EPB41L2: variants seen among roughly 807,000 people sequenced by gnomAD.
EPB41L2 encodes the protein band 4.1-like protein 2.
Under a neutral mutation model 113.0 loss-of-function variants are expected in EPB41L2, and 43 were observed. The ratio of observed to expected loss-of-function variants is 0.38; its 90% CI spans 0.30 to 0.49. EPB41L2 has a LOEUF of 0.49. Among genes scored for constraint, EPB41L2 ranks in the 20% least tolerant of loss-of-function variants. The pLI is 0.95. For missense variants in EPB41L2, 1,147 were observed against 1,223.4 expected, an observed-to-expected ratio of 0.94 and a Z score of 0.93; for synonymous variants, 442 against 436.7, an observed-to-expected ratio of 1.01 and a Z score of -0.15.
Position 130,867,592 on chromosome 6 carries a change from A to T in EPB41L2, c.2608-11T>A, listed in dbSNP as rs780712610. ...TTTTACCACTGGTGGCTGAGGTGGAAAAGGAAGGGAAAAATAAATTCTAGA... is the reference window on the plus strand; with the variant it reads ...TTTTACCACTGGTGGCTGAGGTGGATAAGGAAGGGAAAAATAAATTCTAGA... On this transcript the variant is annotated splice_polypyrimidine_tract_variant and intron_variant, in intron 15 of 19. Transcript: ENST00000337057. The T allele has an allele frequency of 6.2e-7, 1 of 1,613,696 alleles. No individual in the cohort carries two copies. Among genetic ancestry groups the T allele is most frequent in the Non-Finnish European group, 8.5e-7 (1 of 1,179,704 alleles).
At chr6:130,871,483 T>A (rs1459544721) in intron 14 of EPB41L2, among the ~76,000 whole-genome samples, 1 of 152,194 alleles carries the variant, frequency 6.6e-6, no homozygotes, top group Non-Finnish European at 1.5e-5. Flanking sequence ...CTGGAGCCTC[T>A]AATAGACAGC....
At chr6:130,997,420 C>T (rs537493729) in intron 1 of EPB41L2, among the ~76,000 whole-genome samples, 1 of 152,216 alleles carries the variant, frequency 6.6e-6, no homozygotes, top group South Asian at 2.1e-4. Flanking sequence ...AAAGCATCAA[C>T]CATCTGAGGT....
At position 130,855,783 on chromosome 6, in the gene EPB41L2, C is replaced by T. The variant is rs141756384; in HGVS notation, c.*5+2348G>A. The stretch of plus-strand genomic sequence containing the variant: ...AGATACAATGCCAACTGAAGTACTG[C>T]AGGATTTAATCTTAGAACACAGCAA... On this transcript the variant is annotated intron_variant, in intron 19 of 19. Transcript: ENST00000337057. Among the ~76,000 whole-genome samples the T allele has an allele frequency of 3.3e-3, 492 of 150,394 alleles. 1 individual carries two copies. The highest frequency in any genetic ancestry group is 0.012 in the African/African-American group (476 of 40,762).
At chr6:130,918,247 T>C (rs1169900947) in intron 4 of EPB41L2, among the ~76,000 whole-genome samples, 2 of 152,230 alleles carry the variant, frequency 1.3e-5, no homozygotes, top group South Asian at 2.1e-4. Context: ...AATGGTCTAT[T>C]AGATGACTGC....
chr6:131,014,561 A>G (rs952138118), intron 1 of EPB41L2, among the ~76,000 whole-genome samples: 1 of 152,220 alleles, frequency 6.6e-6, no homozygotes, highest in Non-Finnish European at 1.5e-5. Context: ...TAGATTGTGT[A>G]AAAAGAAAAA....
chr6:130,847,949 G>A (rs572805956), intron 19 of EPB41L2, among the ~76,000 whole-genome samples: 16 of 152,084 alleles, frequency 1.1e-4, no homozygotes, highest in Non-Finnish European at 1.9e-4. Context: ...AAGATGGGTA[G>A]TAATGAGAAA....
At chr6:131,051,796 G>A (rs908616617) in intron 1 of EPB41L2, among the ~76,000 whole-genome samples, 1 of 152,116 alleles carries the variant, frequency 6.6e-6, no homozygotes, top group Non-Finnish European at 1.5e-5. Context: ...CAAACTATAA[G>A]AGCAACCAAA....
chr6:130,865,247 T>C (rs959799300), intron 17 of EPB41L2, among the ~76,000 whole-genome samples: 1 of 152,258 alleles, frequency 6.6e-6, no homozygotes, highest in Admixed American at 6.5e-5. Flanking sequence ...CACAAGTTTG[T>C]TTTTATAAAT....
At chr6:131,043,646 C>T (rs1048591403) in intron 1 of EPB41L2, among the ~76,000 whole-genome samples, 3 of 152,104 alleles carry the variant, frequency 2.0e-5, no homozygotes, top group Admixed American at 1.3e-4. Flanking sequence ...CTATCACAAT[C>T]GCAATGTATG....
At chr6:130,957,325 A>G (rs1817759043) in intron 1 of EPB41L2, among the ~76,000 whole-genome samples, 1 of 152,252 alleles carries the variant, frequency 6.6e-6, no homozygotes, top group Non-Finnish European at 1.5e-5. Context: ...GAAAATAACT[A>G]AATTTTACAT....
chr6:130,903,235 C>G (rs1007540275), intron 6 of EPB41L2, among the ~76,000 whole-genome samples: 1 of 152,106 alleles, frequency 6.6e-6, no homozygotes, highest in Admixed American at 6.5e-5. Flanking sequence ...TGTTCAGAGG[C>G]ACCCCTGCAG....
chr6:130,853,158 AAATGAATGGATG>A (rs1184440940), intron 19 of EPB41L2, among the ~76,000 whole-genome samples: 3 of 152,242 alleles, frequency 2.0e-5, no homozygotes, highest in Admixed American at 6.5e-5. Context: ...ATGAACAAAT[AAATGAATGGATG>A]AGTGAAAGGA....
chr6:130,971,615 G>C (rs1584124445), intron 1 of EPB41L2, among the ~76,000 whole-genome samples: 1 of 152,236 alleles, frequency 6.6e-6, no homozygotes, highest in South Asian at 2.1e-4. Context: ...GCACAGGATG[G>C]AGCAGAGAGT....
chr6:130,882,135 T>C (rs1387491954), intron 12 of EPB41L2: 1 of 152,206 alleles, frequency 6.6e-6, no homozygotes, highest in Admixed American at 6.5e-5. Context: ...GATGTCATCC[T>C]AAAGGAACAG....
chr6:131,027,665 T>A (rs1307939055), intron 1 of EPB41L2, among the ~76,000 whole-genome samples: 1 of 152,206 alleles, frequency 6.6e-6, no homozygotes, highest in Non-Finnish European at 1.5e-5. Context: ...ATGAAACTTT[T>A]ATAACACAGA....
At chr6:130,966,363 A>G (rs578040765) in intron 1 of EPB41L2, among the ~76,000 whole-genome samples, 23 of 152,352 alleles carry the variant, frequency 1.5e-4, no homozygotes, top group Non-Finnish European at 3.1e-4. Flanking sequence ...TATTAAGTAC[A>G]TTGTTAAGTA....
intron 4 of EPB41L2, among the ~76,000 whole-genome samples, chr6:130,910,264 A>C (rs974784012): frequency 6.6e-6 from 1 of 152,222 alleles, no homozygotes; most frequent in African/African-American, 2.4e-5. Flanking sequence ...ATGTGACAAA[A>C]ACAAGCAATG....
chr6:130,979,555 A>C, intron 1 of EPB41L2, among the ~76,000 whole-genome samples: 1 of 151,790 alleles, frequency 6.6e-6, no homozygotes, highest in East Asian at 1.9e-4. Context: ...CAGGAGACTA[A>C]GATAGAAGCA....
chr6:131,027,086 T>TA (rs1041325208), intron 1 of EPB41L2, among the ~76,000 whole-genome samples: 23 of 149,194 alleles, frequency 1.5e-4, no homozygotes, highest in African/African-American at 6.0e-4. Flanking sequence ...TCCAAATACT[T>TA]ACTACGTAAG....
Sources: gnomAD v4.1 joint callset for allele counts (sites outside exome capture counted in the v4.1 genomes callset) on GRCh38, gnomAD v4.1.1 for gene constraint, MANE v1.5 for transcripts, NCBI Gene and HGNC (gene_info 2026-07-23, HGNC 2026-07-21) for gene names.